Variants in CNOT10 observed in about 807,000 individuals in gnomAD.
CNOT10 encodes CCR4-NOT transcription complex subunit 10.
Under a neutral mutation model 94.6 loss-of-function variants are expected in CNOT10, and 30 were observed. That is an observed-to-expected ratio of 0.32 (90% CI 0.24 to 0.43). CNOT10 has a LOEUF of 0.43. CNOT10 is among the 20% of genes least tolerant of loss of function. The probability of loss-of-function intolerance (pLI) is 1.00; values close to 1 mark genes in which losing one functional copy is unlikely to be tolerated. For missense variants in CNOT10, 759 were observed against 877.2 expected (o/e 0.87, Z 1.70); for synonymous variants, 289 against 301.6 (o/e 0.96, Z 0.43).
chr3:32,727,137 G>T (rs530001204), intron 9 of CNOT10, among the ~76,000 whole-genome samples: 2 of 151,904 alleles, frequency 1.3e-5, no homozygotes, highest in South Asian at 4.2e-4. Flanking sequence ...GAGCCACTGT[G>T]CCCAGCTGAA....
chr3:32,753,963 GGTGCAT>G, intron 13 of CNOT10: 1 of 818,596 alleles, frequency 1.2e-6, no homozygotes, highest in South Asian at 1.8e-5. Context: ...TGGGCATGGA[GGTGCAT>G]GCTTGTAATC....
intron 4 of CNOT10, among the ~76,000 whole-genome samples, chr3:32,711,796 G>A (rs1242080382): frequency 6.6e-6 from 1 of 152,164 alleles, no homozygotes; most frequent in Non-Finnish European, 1.5e-5. Context: ...AGGTAAGGAG[G>A]ATAATAGGAA....
chr3:32,685,311 G>C lies in CNOT10; in HGVS notation c.-150G>C, dbSNP rs1575189333. The C allele has an allele frequency of 7.8e-6, 6 of 764,866 alleles. No homozygotes were observed. In the East Asian group the frequency reaches 1.1e-4, roughly 15 times the overall value. 47.4% of individuals were successfully genotyped at this position (764,866 alleles called of 1,614,324 possible). ...CTAGCTCTCGTCACTTCCTCAGCCCGCCGTCTGCCCACTCCTCTAGCCGGA... is the reference window on the plus strand; with the variant it reads ...CTAGCTCTCGTCACTTCCTCAGCCCCCCGTCTGCCCACTCCTCTAGCCGGA... On this transcript the variant is annotated 5_prime_UTR_variant, in exon 1 of 19. Coordinates refer to ENST00000328834, the MANE Select transcript of CNOT10 (RefSeq NM_015442.3).
chr3:32,724,706 C>G (rs1380041224), intron 8 of CNOT10, among the ~76,000 whole-genome samples: 1 of 152,152 alleles, frequency 6.6e-6, no homozygotes, highest in East Asian at 1.9e-4. Context: ...GCCACTGCGC[C>G]CAGCCCAATG....
At chr3:32,716,337 A>T (rs887257032) in intron 6 of CNOT10, 26 bp downstream of exon 6, 2 of 1,063,964 alleles carry the variant, frequency 1.9e-6, no homozygotes, top group Non-Finnish European at 2.9e-6. Context: ...AAGGGGGGCA[A>T]TACATCACAT....
Position 32,704,796 on chromosome 3 carries a change from G to GGTT in CNOT10, c.118-15_118-14insGTT. ...ATGTAATTTTGTGTGTGTGTGTGTG[G>GGTT]TTTTTTTTTTTTAGTCTGGAAATTA... On this transcript the variant is annotated splice_polypyrimidine_tract_variant and intron_variant, in intron 2 of 18. Coordinates refer to ENST00000328834, the MANE Select transcript of CNOT10 (RefSeq NM_015442.3). 8.4e-7 allele frequency: 1 copy of GGTT among 1,189,774 alleles called. No homozygotes were observed. The highest frequency in any genetic ancestry group is 1.1e-6 in the Non-Finnish European group (1 of 872,958). The allele number at this position is 1,189,774 out of a possible 1,614,324, so 73.7% of individuals were successfully genotyped here. A position where few individuals can be genotyped will look rare whatever the true frequency, so the allele number is the denominator to read the frequency against.
chr3:32,762,002 C>A (rs1700469498), intron 14 of CNOT10, among the ~76,000 whole-genome samples: 1 of 150,814 alleles, frequency 6.6e-6, no homozygotes, highest in South Asian at 2.1e-4. Flanking sequence ...GAACTCCCGA[C>A]CTCAGGTGAT....
chr3:32,689,577 C>T (rs1696767335), intron 1 of CNOT10, among the ~76,000 whole-genome samples: 1 of 151,954 alleles, frequency 6.6e-6, no homozygotes. Flanking sequence ...TCAAGCAGAC[C>T]CCTTGAATAC....
chr3:32,759,444 C>G lies in CNOT10; in HGVS notation c.1596-14C>G. 1 of 1,585,478 alleles carries G rather than the reference C, an allele frequency of 6.3e-7. No individual in the cohort carries two copies. On this transcript the variant is annotated splice_polypyrimidine_tract_variant and intron_variant, in intron 13 of 18. Coordinates refer to ENST00000328834, the MANE Select transcript of CNOT10 (RefSeq NM_015442.3). ...TAAAATGAGATTTTCGGCCCCTTCC[C>G]TTTTGTGTTATAGGTGCTCCATACT...
In CNOT10 at chr3:32,737,394, C is replaced by A. The variant is rs760906415; in HGVS notation, c.1515-16C>A. The stretch of plus-strand genomic sequence containing the variant: ...TTTGTTGCTCTTCATAATTAAGACT[C>A]TTACCTCTATTTTAGCAGTAAAAGC... On this transcript the variant is annotated splice_polypyrimidine_tract_variant and intron_variant, in intron 12 of 18. Coordinates refer to ENST00000328834, the MANE Select transcript of CNOT10 (RefSeq NM_015442.3). The A allele has an allele frequency of 6.4e-7, 1 of 1,556,632 alleles. No homozygotes were observed.
At chr3:32,736,394 C>G (rs1699190603) in intron 12 of CNOT10, among the ~76,000 whole-genome samples, 1 of 152,016 alleles carries the variant, frequency 6.6e-6, no homozygotes, top group African/African-American at 2.4e-5. Flanking sequence ...GCTGGAAATT[C>G]TGCTTTTTAT....
rs1164693971 is a variant in CNOT10, at chr3:32,704,980, A to C, written c.279+8A>C. ...AACCAGCTGAAGAATCAGGTGATACATAAATGAATTTAACTATAAAAAATA... is the reference window on the plus strand; with the variant it reads ...AACCAGCTGAAGAATCAGGTGATACCTAAATGAATTTAACTATAAAAAATA... On this transcript the variant is annotated splice_region_variant and intron_variant, in intron 3 of 18. Coordinates refer to ENST00000328834, the MANE Select transcript of CNOT10 (RefSeq NM_015442.3). 2 of 1,487,906 alleles carry C rather than the reference A, an allele frequency of 1.3e-6. No individual in the cohort carries two copies. The highest frequency in any genetic ancestry group is 1.8e-6 in the Non-Finnish European group (2 of 1,120,860). The allele number at this position is 1,487,906 out of a possible 1,614,324, so 92.2% of individuals were successfully genotyped here.
chr3:32,724,496 T>G (rs1698575820), intron 8 of CNOT10, among the ~76,000 whole-genome samples: 1 of 149,518 alleles, frequency 6.7e-6, no homozygotes, highest in African/African-American at 2.5e-5. Flanking sequence ...TACTGCAAGC[T>G]CTGCCTCCTG....
chr3:32,752,388 C>T (rs994860790), intron 13 of CNOT10, among the ~76,000 whole-genome samples: 11 of 152,138 alleles, frequency 7.2e-5, no homozygotes, highest in African/African-American at 2.4e-4. Flanking sequence ...CTGCCTTTTC[C>T]TTTTCTATCA....
chr3:32,768,411 G>A (rs1404787773), intron 17 of CNOT10, among the ~76,000 whole-genome samples: 4 of 152,018 alleles, frequency 2.6e-5, no homozygotes, highest in Non-Finnish European at 4.4e-5. Context: ...ATGAAACCCC[G>A]TCTATACTAA....
chr3:32,704,032 A>C lies in CNOT10; in HGVS notation c.117+70A>C, dbSNP rs1420516510. 6 of 921,762 alleles carry C rather than the reference A, an allele frequency of 6.5e-6. No homozygotes were observed. In the African/African-American group the frequency reaches 1.0e-4, roughly 16 times the overall value. The allele number at this position is 921,762 out of a possible 1,614,324, so 57.1% of individuals were successfully genotyped here. A position where few individuals can be genotyped will look rare whatever the true frequency, so the allele number is the denominator to read the frequency against. ...TCAAGTATGAATCTTTTCATAGTGA[A>C]TTTTTAAATTTACAATTTTTACTCT... is the stretch of plus-strand genomic sequence containing the variant. On this transcript the variant is annotated intron_variant, in intron 2 of 18. Coordinates refer to ENST00000328834, the MANE Select transcript of CNOT10 (RefSeq NM_015442.3).
chr3:32,700,972 C>T (rs1007788761), intron 1 of CNOT10, among the ~76,000 whole-genome samples: 2 of 152,104 alleles, frequency 1.3e-5, no homozygotes, highest in Admixed American at 1.3e-4. Flanking sequence ...GAAAAGAAAA[C>T]TTAACATTAA....
chr3:32,734,832 G>C lies in CNOT10; in HGVS notation c.1370G>C (p.Ser457Thr), dbSNP rs746687771. 1 of 1,613,702 alleles carries C rather than the reference G, an allele frequency of 6.2e-7. No homozygotes were observed. The highest frequency in any genetic ancestry group is 8.5e-7 in the Non-Finnish European group (1 of 1,179,850). ...DGQSSAIPVA[S>T]MEFAAICLRN... ...CAGTCTTCGGCCATTCCTGTAGCCA[G>C]TATGGAGTTTGCAGCCATATGTCTC... Residue 457 changes from serine (S) to threonine (T), a missense_variant, in exon 12 of 19, where the codon AGT (serine) becomes ACT (threonine). This residue lies in a region of CNOT10 where 682 missense variants were observed against 799.4 expected (regional missense o/e 0.85). Coordinates refer to ENST00000328834, the MANE Select transcript of CNOT10 (RefSeq NM_015442.3).
chr3:32,725,368 G>C, intron 8 of CNOT10, 82 bp from the exon 9 acceptor site: 1 of 1,030,742 alleles, frequency 9.7e-7, no homozygotes, highest in Admixed American at 1.7e-5. Flanking sequence ...GTGTTAACTC[G>C]TGCAAGATGA....
Sources: gnomAD v4.1 joint callset for allele counts (sites outside exome capture counted in the v4.1 genomes callset) on GRCh38, gnomAD v4.1.1 for gene constraint, gnomAD v4.1.1 regional missense constraint, MANE v1.5 for transcripts, NCBI Gene and HGNC (gene_info 2026-07-23, HGNC 2026-07-21) for gene names.